Variants in CDH12 observed in about 807,000 individuals in gnomAD.
CDH12 encodes cadherin 12, also known as cadherin-12.
In CDH12, 41 loss-of-function variants were observed where a neutral mutation model predicts 74.1. The observed-to-expected ratio is 0.55, with a 90% CI of 0.43 to 0.72. The LOEUF (loss-of-function observed/expected upper bound fraction) is 0.72, where lower values mean the gene tolerates loss of function less well. CDH12 is among the 30% of genes least tolerant of loss of function. The pLI, the probability that CDH12 is intolerant of heterozygous loss-of-function variation, is 0.00. For missense variants in CDH12, 945 were observed against 977.2 expected (o/e 0.97, Z 0.44); for synonymous variants, 399 against 355.0 (o/e 1.12, Z -1.39).
intron 5 of CDH12, among the ~76,000 whole-genome samples, chr5:22,026,476 C>T (rs1738365368): frequency 6.6e-6 from 1 of 152,146 alleles, no homozygotes; most frequent in African/African-American, 2.4e-5. Flanking sequence ...CATCATGCAC[C>T]TGATGCTATG....
rs567504379 is a variant in CDH12, at chr5:22,388,390, G to T, written c.-333+16867C>A. On this transcript the variant is annotated intron_variant, in intron 3 of 14. Coordinates refer to ENST00000382254, the MANE Select transcript of CDH12 (RefSeq NM_004061.5). ...GTTGCTTTAAGAAGGGACAAATAGA[G>T]GTCATATGAAAATTTATTTGAGGAT... Among the ~76,000 whole-genome samples, 14 of 151,928 alleles carry T rather than the reference G, an allele frequency of 9.2e-5. No homozygotes were observed. The East Asian group carries it at 2.7e-3, about 29-fold the overall frequency.
chr5:21,999,820 A>C (rs1463318475), intron 5 of CDH12, among the ~76,000 whole-genome samples: 1 of 151,468 alleles, frequency 6.6e-6, no homozygotes, highest in Non-Finnish European at 1.5e-5. Context: ...AAATGCATAG[A>C]CTTTAAAATC....
At chr5:22,058,303 T>C (rs1740896393) in intron 5 of CDH12, among the ~76,000 whole-genome samples, 1 of 152,084 alleles carries the variant, frequency 6.6e-6, no homozygotes, top group South Asian at 2.1e-4. Context: ...ACAATCTGTC[T>C]GCCTCGGCCT....
At chr5:22,214,566 G>GGAATCTA (rs1751726335) in intron 3 of CDH12, among the ~76,000 whole-genome samples, 1 of 152,162 alleles carries the variant, frequency 6.6e-6, no homozygotes, top group Admixed American at 6.5e-5. Context: ...GGGCTCTAAT[G>GGAATCTA]TGTAGTTGGT....
intron 1 of CDH12, among the ~76,000 whole-genome samples, chr5:22,762,216 A>G (rs978287093): frequency 6.6e-6 from 1 of 152,054 alleles, no homozygotes; most frequent in Non-Finnish European, 1.5e-5. Flanking sequence ...AATTATTCCA[A>G]TATATATACA....
At chr5:22,279,796 T>C (rs1736797163) in intron 3 of CDH12, among the ~76,000 whole-genome samples, 1 of 152,172 alleles carries the variant, frequency 6.6e-6, no homozygotes, top group Non-Finnish European at 1.5e-5. Context: ...TTTGGGTTGG[T>C]TCCAAGTCTT....
intron 1 of CDH12, among the ~76,000 whole-genome samples, chr5:22,602,811 A>G (rs984001023): frequency 6.6e-6 from 1 of 152,198 alleles, no homozygotes; most frequent in African/African-American, 2.4e-5. Context: ...ATTACAAAAA[A>G]TAATACCCTC....
chr5:22,298,350 A>G (rs1406399843), intron 3 of CDH12, among the ~76,000 whole-genome samples: 1 of 151,912 alleles, frequency 6.6e-6, no homozygotes, highest in Non-Finnish European at 1.5e-5. Context: ...ACACACACAC[A>G]TATTCTTTCT....
chr5:22,387,190 AC>A (rs1243397860), intron 3 of CDH12, among the ~76,000 whole-genome samples: 7 of 152,020 alleles, frequency 4.6e-5, no homozygotes, highest in Non-Finnish European at 7.4e-5. Context: ...CTTCTAACAT[AC>A]TATTATTTTG....
In CDH12 at chr5:22,801,494, T is replaced by C. The variant is rs141029985; in HGVS notation, c.-523+51564A>G. On this transcript the variant is annotated intron_variant, in intron 1 of 14. Coordinates refer to ENST00000382254, the MANE Select transcript of CDH12 (RefSeq NM_004061.5). ...CATCTTAGATTGCTTTTCAATTATC[T>C]TTCGTTTCCTCCAGCTGACGAATTT... Among the ~76,000 whole-genome samples, 29 of 152,012 alleles carry C rather than the reference T, an allele frequency of 1.9e-4. No homozygotes were observed. In the East Asian group the frequency reaches 4.3e-3, roughly 22 times the overall value.
At chr5:22,476,939 A>G (rs1746193138) in intron 2 of CDH12, among the ~76,000 whole-genome samples, 1 of 152,170 alleles carries the variant, frequency 6.6e-6, no homozygotes, top group South Asian at 2.1e-4. Flanking sequence ...TGGAGTTACC[A>G]TACTGAGGTG....
chr5:22,267,635 A>T (rs1736185149), intron 3 of CDH12, among the ~76,000 whole-genome samples: 1 of 152,170 alleles, frequency 6.6e-6, no homozygotes, highest in South Asian at 2.1e-4. Flanking sequence ...CCAGAAAAAA[A>T]TTCTGATGGA....
At chr5:22,466,243 T>TG in intron 2 of CDH12, among the ~76,000 whole-genome samples, 1 of 152,230 alleles carries the variant, frequency 6.6e-6, no homozygotes, top group East Asian at 1.9e-4. Context: ...AAACAGAAAA[T>TG]GTTTCTTTTC....
intron 3 of CDH12, among the ~76,000 whole-genome samples, chr5:22,296,146 T>A (rs907871304): frequency 2.0e-5 from 3 of 151,836 alleles, no homozygotes; most frequent in Non-Finnish European, 4.4e-5. Flanking sequence ...TAAAAATGTA[T>A]TAGAAAAATT....
At chr5:22,489,219 G>A (rs1489862265) in intron 2 of CDH12, among the ~76,000 whole-genome samples, 3 of 151,088 alleles carry the variant, frequency 2.0e-5, no homozygotes, top group Non-Finnish European at 3.0e-5. Flanking sequence ...CACCACACCT[G>A]GCTAATTTTT....
Position 22,378,305 on chromosome 5 carries a change from T to C in CDH12, c.-333+26952A>G, listed in dbSNP as rs533614235. On this transcript the variant is annotated intron_variant, in intron 3 of 14. Transcript: ENST00000382254. Reference sequence around the variant, plus strand: ...ACTCATATTTTTCTTCTGATAAATATAGATCACATATATTACTACAGGCTG... The same window carrying C: ...ACTCATATTTTTCTTCTGATAAATACAGATCACATATATTACTACAGGCTG... 3.3e-5 allele frequency among the ~76,000 whole-genome samples: 5 copies of C among 152,258 alleles called. No individual in the cohort carries two copies. In the South Asian group the frequency reaches 1.0e-3, roughly 32 times the overall value.
At chr5:22,222,558 T>C (rs1448727902) in intron 3 of CDH12, among the ~76,000 whole-genome samples, 1 of 151,924 alleles carries the variant, frequency 6.6e-6, no homozygotes, top group South Asian at 2.1e-4. Context: ...TTTTCTAAAA[T>C]TGTCATTTTA....
intron 6 of CDH12, among the ~76,000 whole-genome samples, chr5:21,909,604 T>A (rs551417507): frequency 2.2e-4 from 33 of 152,262 alleles, no homozygotes; most frequent in African/African-American, 6.3e-4. Flanking sequence ...ACAGTGATGA[T>A]AACAGAAATA....
chr5:21,809,163 T>G (rs1355656970), intron 9 of CDH12, among the ~76,000 whole-genome samples: 1 of 152,094 alleles, frequency 6.6e-6, no homozygotes, highest in Non-Finnish European at 1.5e-5. Context: ...TCTGCAAAAT[T>G]TTCGTAGTTT....
Sources: gnomAD v4.1 joint callset for allele counts (sites outside exome capture counted in the v4.1 genomes callset) on GRCh38, gnomAD v4.1.1 for gene constraint, MANE v1.5 for transcripts, NCBI Gene and HGNC (gene_info 2026-07-23, HGNC 2026-07-21) for gene names.